BMPER: variants seen among roughly 807,000 people sequenced by gnomAD.
BMPER encodes BMP-binding endothelial regulator protein.
In BMPER, 45 loss-of-function variants were observed where a neutral mutation model predicts 87.3. The observed-to-expected ratio is 0.52, with a 90% confidence interval of 0.41 to 0.66. The LOEUF (loss-of-function observed/expected upper bound fraction) is 0.66, where lower values mean the gene tolerates loss of function less well. Ranked by LOEUF, BMPER falls within the 30% of genes least tolerant of loss-of-function variation. BMPER has a pLI of 0.00. For synonymous variants in BMPER, 326 were observed against 316.2 expected (o/e 1.03, Z -0.33); for missense variants, 784 against 867.5 (o/e 0.90, Z 1.21).
At chr7:33,913,795 G>A (rs1784021370) in intron 2 of BMPER, among the ~76,000 whole-genome samples, 1 of 152,120 alleles carries the variant, frequency 6.6e-6, no homozygotes, top group Non-Finnish European at 1.5e-5. Flanking sequence ...CTTGAATAGA[G>A]TAGTTCTCTT....
Position 34,112,280 on chromosome 7 carries a change from G to T in BMPER, c.1745+26188G>T, listed in dbSNP as rs150832695. ...GAGGCTGAGGCGGGCGGATCACAAG[G>T]TCAGGAGATTGAGACCATCCCGGCT... On this transcript the variant is annotated intron_variant, in intron 13 of 14. Coordinates refer to ENST00000649409, the MANE Select transcript of BMPER (RefSeq NM_001365308.1). Among the ~76,000 whole-genome samples the T allele has an allele frequency of 9.9e-3, 1,500 of 151,742 alleles. 22 individuals carry two copies. Among genetic ancestry groups the T allele is most frequent in the African/African-American group, 0.034 (1,397 of 41,380 alleles).
chr7:34,109,606 G>A (rs1025274790), intron 13 of BMPER, among the ~76,000 whole-genome samples: 3 of 152,170 alleles, frequency 2.0e-5, no homozygotes, highest in African/African-American at 7.2e-5. Flanking sequence ...AAACAAAATA[G>A]TAAAAAGAGG....
At chr7:34,075,705 G>A (rs920925012) in intron 11 of BMPER, among the ~76,000 whole-genome samples, 12 of 152,192 alleles carry the variant, frequency 7.9e-5, no homozygotes, top group African/African-American at 2.2e-4. Context: ...ACATCTGGAC[G>A]TGTTGGACTG....
chr7:34,024,002 A>G (rs1787271247), intron 6 of BMPER, among the ~76,000 whole-genome samples: 1 of 152,062 alleles, frequency 6.6e-6, no homozygotes, highest in Non-Finnish European at 1.5e-5. Context: ...AAGAAGAACC[A>G]TCTTACTACC....
chr7:33,965,791 A>G (rs547401734), intron 3 of BMPER, among the ~76,000 whole-genome samples: 1 of 152,282 alleles, frequency 6.6e-6, no homozygotes, highest in Non-Finnish European at 1.5e-5. Flanking sequence ...ACTCAAGCTA[A>G]CTGGCTTATT....
rs200341536 is a variant in BMPER at position 33,990,592 on chromosome 7, T to C, written c.576+15808T>C. On this transcript the variant is annotated intron_variant, in intron 6 of 14. Transcript: ENST00000649409. Reference sequence around the variant, plus strand: ...ACAATTTGACTTCCTCTTTTTCTAATTGAATACCCTTTATTTCCTTCTCCT... The same window carrying C: ...ACAATTTGACTTCCTCTTTTTCTAACTGAATACCCTTTATTTCCTTCTCCT... 1.3e-4 allele frequency among the ~76,000 whole-genome samples: 20 copies of C among 151,916 alleles called. No homozygotes were observed. The East Asian group carries it at 3.5e-3, about 27-fold the overall frequency.
intron 6 of BMPER, among the ~76,000 whole-genome samples, chr7:33,993,446 C>T (rs947042790): frequency 4.9e-4 from 65 of 131,800 alleles, no homozygotes; most frequent in Non-Finnish European, 7.8e-4. Context: ...ACGTAGTTCT[C>T]GAGCCTTGGT....
intron 10 of BMPER, among the ~76,000 whole-genome samples, chr7:34,059,946 C>T (rs1419157024): frequency 6.6e-6 from 1 of 152,084 alleles, no homozygotes; most frequent in South Asian, 2.1e-4. Flanking sequence ...GTGAGAAGGG[C>T]TATGAGGGCT....
chr7:34,062,795 A>T (rs113625687), intron 11 of BMPER, among the ~76,000 whole-genome samples: 4,649 of 152,344 alleles, frequency 0.031, 105 homozygotes, highest in Non-Finnish European at 0.047. Context: ...GTATTTGTGT[A>T]TCTAAGTAGA....
At chr7:33,968,594 T>C (rs1785461798) in intron 4 of BMPER, among the ~76,000 whole-genome samples, 1 of 152,152 alleles carries the variant, frequency 6.6e-6, no homozygotes, top group Non-Finnish European at 1.5e-5. Context: ...TTTAACTACC[T>C]ATAAAACAGA....
intron 13 of BMPER, among the ~76,000 whole-genome samples, chr7:34,109,267 T>C (rs1789900426): frequency 6.6e-6 from 1 of 152,086 alleles, no homozygotes; most frequent in Non-Finnish European, 1.5e-5. Context: ...AGCTGGGAGG[T>C]AGGCAGTAAG....
intron 6 of BMPER, among the ~76,000 whole-genome samples, chr7:33,985,047 G>C (rs1785965437): frequency 6.6e-6 from 1 of 152,188 alleles, no homozygotes; most frequent in Non-Finnish European, 1.5e-5. Flanking sequence ...ATTCAAAAAT[G>C]AAGAGGAATT....
At chr7:33,941,672 C>G (rs1784769507) in intron 3 of BMPER, among the ~76,000 whole-genome samples, 1 of 152,146 alleles carries the variant, frequency 6.6e-6, no homozygotes, top group Non-Finnish European at 1.5e-5. Flanking sequence ...GAATCTAATG[C>G]TGCAGCTGAT....
At chr7:34,103,400 CAT>C (rs1789734372) in intron 13 of BMPER, among the ~76,000 whole-genome samples, 1 of 152,132 alleles carries the variant, frequency 6.6e-6, no homozygotes, top group South Asian at 2.1e-4. Context: ...TTCCCGTAAC[CAT>C]ATGTTTTGAA....
At chr7:34,086,124 G>A (rs369801938) in intron 13 of BMPER, 32 bp downstream of exon 13, 11 of 1,602,438 alleles carry the variant, frequency 6.9e-6, no homozygotes, top group African/African-American at 5.4e-5. Flanking sequence ...ATGGTTTTGG[G>A]TTGCAGACCA....
chr7:34,120,012 T>G (rs1205959029), intron 13 of BMPER, among the ~76,000 whole-genome samples: 1 of 152,188 alleles, frequency 6.6e-6, no homozygotes, highest in Non-Finnish European at 1.5e-5. Context: ...TATAATCATG[T>G]ACATGCCCAT....
chr7:34,082,162 G>T lies in BMPER; in HGVS notation c.1408+2976G>T, dbSNP rs961803045. ...GCTTCAGCTTTAGCCTTCTGACTCT[G>T]CCAGTTATTTCTACCCAATTTCCCA... On this transcript the variant is annotated intron_variant, in intron 12 of 14. Transcript: ENST00000649409. 3.3e-5 allele frequency among the ~76,000 whole-genome samples: 5 copies of T among 152,152 alleles called. No homozygotes were observed. The East Asian group carries it at 9.7e-4, about 30-fold the overall frequency.
At chr7:34,090,943 C>A (rs922666305) in intron 13 of BMPER, among the ~76,000 whole-genome samples, 1 of 152,212 alleles carries the variant, frequency 6.6e-6, no homozygotes. Context: ...AGGAAATGTT[C>A]TTTTCCTTCC....
chr7:34,086,785 C>T (rs753523213), intron 13 of BMPER, among the ~76,000 whole-genome samples: 1 of 152,152 alleles, frequency 6.6e-6, no homozygotes, highest in Non-Finnish European at 1.5e-5. Context: ...ATTTGACTTC[C>T]GCACTGCAAG....
Sources: allele counts gnomAD v4.1 joint callset (sites outside exome capture counted in the v4.1 genomes callset), GRCh38; gene constraint gnomAD v4.1.1; transcripts MANE v1.5; gene names NCBI Gene and HGNC (gene_info 2026-07-23, HGNC 2026-07-21).